The following ARHGAP42 variants were observed in gnomAD, a reference collection of about 807,000 sequenced individuals.
ARHGAP42 encodes rho GTPase-activating protein 42.
ARHGAP42 carries 63 observed loss-of-function variants against 125.0 expected under a neutral mutation model. That is an observed-to-expected ratio of 0.50 (90% CI 0.41 to 0.62). The LOEUF is 0.62. Among genes scored for constraint, ARHGAP42 ranks in the 20% least tolerant of loss-of-function variants. ARHGAP42 has a pLI of 0.00. For missense variants in ARHGAP42, 766 were observed against 1,024.2 expected (o/e 0.75, Z 3.44); for synonymous variants, 339 against 351.0 (o/e 0.97, Z 0.38).
At chr11:100,855,674 A>G (rs1314426296) in intron 3 of ARHGAP42, among the ~76,000 whole-genome samples, 3 of 152,086 alleles carry the variant, frequency 2.0e-5, no homozygotes, top group Non-Finnish European at 4.4e-5. Flanking sequence ...GTGGCTATTT[A>G]TTAGAACCAC....
chr11:100,768,136 A>C (rs1396907319), intron 1 of ARHGAP42, among the ~76,000 whole-genome samples: 3 of 152,174 alleles, frequency 2.0e-5, no homozygotes, highest in Non-Finnish European at 4.4e-5. Context: ...TTAAATAAAA[A>C]ATATTTTGAC....
intron 22 of ARHGAP42, among the ~76,000 whole-genome samples, chr11:100,982,582 G>C (rs1858572237): frequency 6.6e-6 from 1 of 152,120 alleles, no homozygotes; most frequent in Non-Finnish European, 1.5e-5. Context: ...CATTATAAAG[G>C]CATGTGGAAA....
intron 1 of ARHGAP42, among the ~76,000 whole-genome samples, chr11:100,719,727 G>T (rs963209955): frequency 2.0e-5 from 3 of 152,100 alleles, no homozygotes; most frequent in African/African-American, 4.8e-5. Context: ...GCAGCAAAAG[G>T]ATACTCTTGG....
At chr11:100,833,225 G>A (rs1230765523) in intron 3 of ARHGAP42, among the ~76,000 whole-genome samples, 1 of 152,178 alleles carries the variant, frequency 6.6e-6, no homozygotes, top group Non-Finnish European at 1.5e-5. Context: ...CCAATTTGTT[G>A]CCTAAAAGTT....
At chr11:100,971,640 A>C (rs1858251261) in intron 17 of ARHGAP42, among the ~76,000 whole-genome samples, 2 of 152,146 alleles carry the variant, frequency 1.3e-5, no homozygotes, top group South Asian at 4.1e-4. Context: ...TGAGATTCCC[A>C]AGTTTACTCC....
chr11:100,941,691 A>G (rs1867890160), intron 8 of ARHGAP42, 93 bp from the exon 9 acceptor site: 1 of 680,260 alleles, frequency 1.5e-6, no homozygotes, highest in Admixed American at 3.5e-5. Context: ...AGGAGAGATA[A>G]TCGGTTGTAT....
chr11:100,745,630 A>T (rs1002316699), intron 1 of ARHGAP42, among the ~76,000 whole-genome samples: 2 of 152,188 alleles, frequency 1.3e-5, no homozygotes, highest in African/African-American at 4.8e-5. Flanking sequence ...TGCCTTTGTT[A>T]TACTTCCATC....
chr11:100,885,278 C>G (rs1350412709), intron 4 of ARHGAP42, among the ~76,000 whole-genome samples: 1 of 152,168 alleles, frequency 6.6e-6, no homozygotes, highest in Non-Finnish European at 1.5e-5. Flanking sequence ...GATTGGGTAT[C>G]TCAATTAGAG....
intron 3 of ARHGAP42, 53 bp from the exon 4 acceptor site, chr11:100,859,501 G>A: frequency 6.9e-7 from 1 of 1,444,820 alleles, no homozygotes. Flanking sequence ...TTTTTTCAAT[G>A]TTGTTGGCAT....
intron 1 of ARHGAP42, among the ~76,000 whole-genome samples, chr11:100,700,229 C>T (rs653320): frequency 0.76 from 114,973 of 152,142 alleles, 44,560 homozygotes; most frequent in African/African-American, 0.93. Flanking sequence ...CAGGACACTT[C>T]TTTGCTGAAA....
chr11:100,847,977 T>G (rs1445474581), intron 3 of ARHGAP42, among the ~76,000 whole-genome samples: 1 of 152,084 alleles, frequency 6.6e-6, no homozygotes, highest in Non-Finnish European at 1.5e-5. Context: ...TATCTTGAAA[T>G]GTAAGATTAA....
chr11:100,700,149 T>G (rs1861372212), intron 1 of ARHGAP42, among the ~76,000 whole-genome samples: 1 of 152,244 alleles, frequency 6.6e-6, no homozygotes, highest in Non-Finnish European at 1.5e-5. Flanking sequence ...GTAAAGCTTA[T>G]GTTTACACTA....
At position 100,735,253 on chromosome 11, in the gene ARHGAP42, A is replaced by C. The variant is rs545115926; in HGVS notation, c.155-35090A>C. ...TTTTATTTTAAGCATGTGGAGTTTA[A>C]TAGTGAGCCAATGCCATCAGATAAA... On this transcript the variant is annotated intron_variant, in intron 1 of 23. Transcript: ENST00000298815. 3.3e-5 allele frequency among the ~76,000 whole-genome samples: 5 copies of C among 152,324 alleles called. No individual in the cohort carries two copies. The South Asian group carries it at 8.3e-4, about 25-fold the overall frequency.
At chr11:100,982,117 A>G (rs190260686) in intron 22 of ARHGAP42, among the ~76,000 whole-genome samples, 1 of 152,332 alleles carries the variant, frequency 6.6e-6, no homozygotes, top group African/African-American at 2.4e-5. Flanking sequence ...ATGGCCAAGC[A>G]TTGGTCTTTG....
In ARHGAP42 at chr11:100,779,508, G is replaced by GTA. The variant is rs1345808837; in HGVS notation, c.250+9079_250+9080dup. Among the ~76,000 whole-genome samples, 290 of 107,062 alleles carry GTA rather than the reference G, an allele frequency of 2.7e-3. 2 individuals are homozygous for GTA. Among genetic ancestry groups the GTA allele is most frequent in the African/African-American group, 9.6e-3 (265 of 27,482 alleles). 70.2% of individuals were successfully genotyped at this position (107,062 alleles called of 152,430 possible). ...TATACACACACACACATATATACACGTATATATATACGTATACATGCGTAT... is the reference window on the plus strand; with the variant it reads ...TATACACACACACACATATATACACGTATATATATATACGTATACATGCGTAT... On this transcript the variant is annotated intron_variant, in intron 2 of 23. Coordinates refer to ENST00000298815, the MANE Select transcript of ARHGAP42 (RefSeq NM_152432.4).
chr11:100,961,683 G>T lies in ARHGAP42; in HGVS notation c.1301-1G>T. On this transcript the variant is annotated splice_acceptor_variant, in intron 14 of 23. Transcript: ENST00000298815. LOFTEE classifies it high-confidence loss of function. ...TAAACACCTTGTTTTATTCTTTCCA[G>T]CTCCTAAATCCCCTCCTGATATTGA... The T allele has an allele frequency of 6.4e-7, 1 of 1,550,490 alleles. No individual in the cohort carries two copies. Among genetic ancestry groups the T allele is most frequent in the Non-Finnish European group, 8.7e-7 (1 of 1,146,334 alleles).
intron 2 of ARHGAP42, among the ~76,000 whole-genome samples, chr11:100,776,451 C>G (rs1320081092): frequency 1.3e-5 from 2 of 152,136 alleles, no homozygotes; most frequent in African/African-American, 2.4e-5. Flanking sequence ...TTTAGACACA[C>G]CTAAACAGAA....
chr11:100,746,167 G>C (rs927767833), intron 1 of ARHGAP42, among the ~76,000 whole-genome samples: 1 of 151,924 alleles, frequency 6.6e-6, no homozygotes, highest in African/African-American at 2.4e-5. Context: ...AATAAGGGCT[G>C]ACTGATTGAT....
intron 22 of ARHGAP42, among the ~76,000 whole-genome samples, chr11:100,986,945 G>A (rs116842026): frequency 3.2e-3 from 491 of 152,066 alleles, no homozygotes; most frequent in Non-Finnish European, 5.6e-3. Context: ...AAGGATGGGT[G>A]TACCCTGGTT....
Sources: gnomAD v4.1 joint callset for allele counts (sites outside exome capture counted in the v4.1 genomes callset) on GRCh38, gnomAD v4.1.1 for gene constraint, MANE v1.5 for transcripts, NCBI Gene and HGNC (gene_info 2026-07-23, HGNC 2026-07-21) for gene names.